Variants in KCNT1 observed in about 807,000 individuals in gnomAD.
The protein encoded by KCNT1 is potassium channel subfamily T member 1.
Under a neutral mutation model 147.8 loss-of-function variants are expected in KCNT1, and 78 were observed. That is an observed-to-expected ratio of 0.53 (90% confidence interval 0.44 to 0.64). The LOEUF is 0.64. Among genes scored for constraint, KCNT1 ranks in the 30% least tolerant of loss-of-function variants. The pLI is 0.00. For synonymous variants in KCNT1, 867 were observed against 748.8 expected, an observed-to-expected ratio of 1.16 and a Z score of -2.58; for missense variants, 1,419 against 1,750.3, an observed-to-expected ratio of 0.81 and a Z score of 3.38.
chr9:135,750,932 C>A lies in KCNT1; in HGVS notation c.335-10C>A. 1.2e-6 allele frequency: 2 copies of A among 1,612,342 alleles called. No individual in the cohort carries two copies. Among genetic ancestry groups the A allele is most frequent in the Non-Finnish European group, 1.7e-6 (2 of 1,179,362 alleles). ...GGGTCAGAGCCCTGAGGCCGCTGCC[C>A]TCCCCGCAGGCCTGAGGATCCGGCT... On this transcript the variant is annotated splice_polypyrimidine_tract_variant and intron_variant, in intron 3 of 30. Transcript: ENST00000371757.
chr9:135,751,148 G>A, intron 4 of KCNT1, 107 bp downstream of exon 4: 3 of 1,021,518 alleles, frequency 2.9e-6, no homozygotes, highest in South Asian at 2.6e-5. Flanking sequence ...CCCTGTGCCT[G>A]GGGCCTTGGG....
intron 2 of KCNT1, chr9:135,736,979 C>A (rs1830368934): frequency 3.4e-6 from 1 of 293,314 alleles, no homozygotes; most frequent in South Asian, 1.6e-4. Flanking sequence ...CGGGACCCCC[C>A]ACTCCCCCCA....
At chr9:135,755,309 A>G in intron 6 of KCNT1, 140 bp downstream of exon 6, 1 of 619,804 alleles carries the variant, frequency 1.6e-6, no homozygotes, top group South Asian at 2.8e-5. Context: ...CTAAGAACAA[A>G]CCCAGGCTCA....
rs193148253 is a variant in KCNT1, at chr9:135,709,388, C to A, written c.111-5189C>A. On this transcript the variant is annotated intron_variant, in intron 1 of 30. Transcript: ENST00000371757. ...CAGTGTTCACCTTCACACATGAGGC[C>A]GTGATGAAAATCCATGCCTGGGCCT... is the stretch of plus-strand genomic sequence containing the variant. Among the ~76,000 whole-genome samples, 1,121 of 152,180 alleles carry A rather than the reference C, an allele frequency of 7.4e-3. 19 individuals carry two copies. Among genetic ancestry groups the A allele is most frequent in the African/African-American group, 0.026 (1,060 of 41,528 alleles).
At chr9:135,720,055 G>A (rs960819455) in intron 2 of KCNT1, among the ~76,000 whole-genome samples, 52 of 152,156 alleles carry the variant, frequency 3.4e-4, no homozygotes, top group African/African-American at 1.2e-3. Flanking sequence ...GGGCCTGCGT[G>A]GAGGATGGAC....
chr9:135,702,517 C>G, intron 1 of KCNT1, 149 bp downstream of exon 1: 1 of 673,872 alleles, frequency 1.5e-6, no homozygotes, highest in Non-Finnish European at 2.6e-6. Flanking sequence ...TCCCAACCAC[C>G]TTGGGGAACA....
chr9:135,764,827 G>T (rs955341485), intron 11 of KCNT1, among the ~76,000 whole-genome samples: 1 of 152,112 alleles, frequency 6.6e-6, no homozygotes. Context: ...TGCCAGCCGG[G>T]CCTGCGTCCT....
At chr9:135,729,964 G>GC (rs1836364248) in intron 2 of KCNT1, among the ~76,000 whole-genome samples, 1 of 152,110 alleles carries the variant, frequency 6.6e-6, no homozygotes, top group Admixed American at 6.5e-5. Flanking sequence ...GTGGCTCTTG[G>GC]CCCCCTCTGA....
At chr9:135,744,770 T>G (rs1288453013) in intron 2 of KCNT1, among the ~76,000 whole-genome samples, 1 of 152,178 alleles carries the variant, frequency 6.6e-6, no homozygotes, top group East Asian at 1.9e-4. Context: ...GACCAAGGCC[T>G]CACCCCAGGG....
intron 19 of KCNT1, 32 bp downstream of exon 19, chr9:135,772,981 G>T (rs551447919): frequency 2.9e-5 from 41 of 1,404,796 alleles, no homozygotes; most frequent in South Asian, 4.5e-5. Context: ...GCTCCCAGTG[G>T]GGGGAGGAGC....
intron 6 of KCNT1, 135 bp downstream of exon 6, chr9:135,755,304 AACAAACCCAGGCTCAGTGAGCACTGAGG>A: frequency 1.5e-6 from 1 of 648,770 alleles, no homozygotes; most frequent in East Asian, 3.1e-5. Flanking sequence ...AAATGCTAAG[AACAAACCCAGGCTCAGTGAGCACTGAGG>A]ACAGACCCAG....
chr9:135,764,203 C>G (rs1832101456), intron 11 of KCNT1, among the ~76,000 whole-genome samples: 1 of 152,156 alleles, frequency 6.6e-6, no homozygotes, highest in African/African-American at 2.4e-5. Context: ...AGCCTGTAAT[C>G]CCAGCACTTC....
At chr9:135,702,480 C>G in intron 1 of KCNT1, 112 bp downstream of exon 1, 1 of 906,332 alleles carries the variant, frequency 1.1e-6, no homozygotes, top group Non-Finnish European at 1.8e-6. Flanking sequence ...CAGGGCCATC[C>G]AACTTCCCCA....
At chr9:135,762,742 GCCATCTCAACA>G (rs1831998315) in intron 11 of KCNT1, among the ~76,000 whole-genome samples, 1 of 152,160 alleles carries the variant, frequency 6.6e-6, no homozygotes, top group South Asian at 2.1e-4. Context: ...AGAGCGAGAT[GCCATCTCAACA>G]CCATCTTAAA....
At chr9:135,782,701 G>A (rs765441102) in intron 24 of KCNT1, among the ~76,000 whole-genome samples, 2 of 152,184 alleles carry the variant, frequency 1.3e-5, no homozygotes, top group Non-Finnish European at 2.9e-5. Flanking sequence ...CGTGGTTCTT[G>A]TTTCCTGTTT....
At chr9:135,732,442 G>A (rs1830139743) in intron 2 of KCNT1, among the ~76,000 whole-genome samples, 3 of 152,166 alleles carry the variant, frequency 2.0e-5, no homozygotes, top group Admixed American at 2.0e-4. Flanking sequence ...TTGCTGTGCT[G>A]GTCAGAGCCA....
At position 135,702,232 on chromosome 9, in the gene KCNT1, C is replaced by G. The variant is rs550838618; in HGVS notation, c.-27C>G. 1.3e-6 allele frequency: 2 copies of G among 1,553,162 alleles called. No homozygotes were observed. Among genetic ancestry groups the G allele is most frequent in the Admixed American group, 1.7e-5 (1 of 57,796 alleles). On this transcript the variant is annotated 5_prime_UTR_variant, in exon 1 of 31. Coordinates refer to ENST00000371757, the MANE Select transcript of KCNT1 (RefSeq NM_020822.3). ...TGGCGGCTCCCACTCGCTTCTCCCT[C>G]GGGTCGGGTCCGAGCTGCCAGGCCG...
chr9:135,724,547 G>C (rs1225492297), intron 2 of KCNT1, among the ~76,000 whole-genome samples: 1 of 152,236 alleles, frequency 6.6e-6, no homozygotes. Context: ...TGCAACAGAG[G>C]TCAAGTTGAG....
At chr9:135,751,065 G>A (rs541474702) in intron 4 of KCNT1, 24 bp downstream of exon 4, 233 of 1,597,140 alleles carry the variant, frequency 1.5e-4, no homozygotes, top group South Asian at 8.3e-4. Context: ...GCGGCCGGGC[G>A]CGGGGTCCCG....
Sources: gnomAD v4.1 joint callset for allele counts (sites outside exome capture counted in the v4.1 genomes callset) on GRCh38, gnomAD v4.1.1 for gene constraint, MANE v1.5 for transcripts, NCBI Gene and HGNC (gene_info 2026-07-23, HGNC 2026-07-21) for gene names.